The following MRC2 variants were observed in gnomAD, a reference collection of about 807,000 sequenced individuals.
The protein encoded by MRC2 is C-type mannose receptor 2.
In MRC2, 84 loss-of-function variants were observed where a neutral mutation model predicts 206.2. The ratio of observed to expected loss-of-function variants is 0.41; its 90% CI spans 0.34 to 0.49. MRC2 has a LOEUF of 0.49. Ranked by LOEUF, MRC2 falls within the 20% of genes least tolerant of loss-of-function variation. The pLI, the probability that MRC2 is intolerant of heterozygous loss-of-function variation, is 0.31. For missense variants in MRC2, 1,676 were observed against 2,001.5 expected (o/e 0.84, Z 3.10); for synonymous variants, 798 against 800.0 (o/e 1.00, Z 0.04).
chr17:62,676,443 G>A lies in MRC2; in HGVS notation c.1746G>A (p.Thr582=), dbSNP rs760093423. The stretch of plus-strand genomic sequence containing the variant: ...ACTGGGAGGGCGAGTACTTCTGGAC[G>A]GCCCTGCAGGACCTCAACAGCACCG... The part of the protein sequence containing the change: ...IYNWEGEYFW[T]ALQDLNSTGS... Residue 582 remains threonine, a synonymous_variant, in exon 11 of 30, where the codon ACG becomes ACA. Transcript: ENST00000303375. 1.3e-5 allele frequency: 21 copies of A among 1,613,794 alleles called. No individual in the cohort carries two copies. Among genetic ancestry groups the A allele is most frequent in the African/African-American group, 4.0e-5 (3 of 74,902 alleles).
intron 1 of MRC2, among the ~76,000 whole-genome samples, chr17:62,661,186 C>G (rs977575224): frequency 6.6e-6 from 1 of 152,110 alleles, no homozygotes; most frequent in African/African-American, 2.4e-5. Context: ...GAGATCAGGC[C>G]GTTAGACAGG....
chr17:62,651,386 A>G (rs2088554590), intron 1 of MRC2, among the ~76,000 whole-genome samples: 1 of 150,990 alleles, frequency 6.6e-6, no homozygotes, highest in Non-Finnish European at 1.5e-5. Flanking sequence ...CCGGCCGACA[A>G]ACATCTTTCA....
Position 62,664,683 on chromosome 17 carries a change from T to C in MRC2, c.254T>C (p.Leu85Pro), listed in dbSNP as rs1325949717. Reference sequence around the variant, plus strand: ...TGGAAGTGGGTCTCCCGAAACCGGCTATTCAACCTGGGTACCATGCAGTGC... The same window carrying C: ...TGGAAGTGGGTCTCCCGAAACCGGCCATTCAACCTGGGTACCATGCAGTGC... ...QRWKWVSRNR[L>P]FNLGTMQCLG... Residue 85 changes from leucine to proline, a missense_variant, in exon 2 of 30, where the codon CTA (leucine) becomes CCA (proline). This residue lies in a region of MRC2 where 318 missense variants were observed against 346.7 expected (regional missense o/e 0.92). Coordinates refer to ENST00000303375, the MANE Select transcript of MRC2 (RefSeq NM_006039.5). The surrounding 1 kb of genome is among the most constrained non-coding windows in gnomAD (Gnocchi z 4.7). 1 of 1,614,026 alleles carries C rather than the reference T, an allele frequency of 6.2e-7. No individual in the cohort carries two copies. The highest frequency in any genetic ancestry group is 1.7e-5 in the Admixed American group (1 of 60,032).
chr17:62,689,013 G>A, intron 23 of MRC2, 53 bp downstream of exon 23: 3 of 1,416,124 alleles, frequency 2.1e-6, no homozygotes, highest in Non-Finnish European at 3.0e-6. Flanking sequence ...GCACCGGGCT[G>A]GATGCTGGGA....
intron 1 of MRC2, among the ~76,000 whole-genome samples, chr17:62,657,866 G>A (rs2088636375): frequency 6.6e-6 from 1 of 151,994 alleles, no homozygotes; most frequent in Admixed American, 6.6e-5. Context: ...TTCATTGAGG[G>A]CCCAGGCCCA....
chr17:62,663,673 A>G (rs1010789508), intron 1 of MRC2, among the ~76,000 whole-genome samples: 3 of 152,286 alleles, frequency 2.0e-5, no homozygotes, highest in East Asian at 3.9e-4. Flanking sequence ...GAAGCCAAAG[A>G]ATTAAATTGC....
intron 1 of MRC2, among the ~76,000 whole-genome samples, chr17:62,662,049 A>G (rs1316466172): frequency 1.3e-5 from 2 of 152,032 alleles, no homozygotes; most frequent in Non-Finnish European, 2.9e-5. Context: ...GGAGTTTGAG[A>G]TCAGACTGGG....
rs2088767683 is a variant in MRC2, at chr17:62,667,147, C to T, written c.974-243C>T. 6.6e-6 allele frequency among the ~76,000 whole-genome samples: 1 copy of T among 151,678 alleles called. No homozygotes were observed. The highest frequency in any genetic ancestry group is 1.5e-5 in the Non-Finnish European group (1 of 67,882). On this transcript the variant is annotated intron_variant, in intron 5 of 29. Transcript: ENST00000303375. This position sits in a 1 kb window ranked among gnomAD's most constrained non-coding sequence, Gnocchi z 4.1. ...GCACCAGCGCACCCAGCAGCCTGGACGGGGAGGCCGGGGCGGGGCTGGTAC... is the reference window on the plus strand; with the variant it reads ...GCACCAGCGCACCCAGCAGCCTGGATGGGGAGGCCGGGGCGGGGCTGGTAC...
At chr17:62,643,327 C>CAAA (rs59698063) in intron 1 of MRC2, among the ~76,000 whole-genome samples, 708 of 44,008 alleles carry the variant, frequency 0.016, 24 homozygotes, top group African/African-American at 0.039. Flanking sequence ...GAAACTCCGT[C>CAAA]AAAAAAAAAA....
At chr17:62,643,327 C>CAAAAAAAA (rs59698063) in intron 1 of MRC2, among the ~76,000 whole-genome samples, 768 of 43,704 alleles carry the variant, frequency 0.018, 5 homozygotes, top group Middle Eastern at 0.031. Flanking sequence ...GAAACTCCGT[C>CAAAAAAAA]AAAAAAAAAA....
chr17:62,690,791 T>G (rs765467687), intron 27 of MRC2, 30 bp downstream of exon 27: 9 of 1,571,736 alleles, frequency 5.7e-6, no homozygotes, highest in Non-Finnish European at 7.8e-6. Flanking sequence ...GGTGGAGAGG[T>G]CAAGCCTCAG....
chr17:62,658,012 T>G (rs1348468388), intron 1 of MRC2, among the ~76,000 whole-genome samples: 1 of 152,066 alleles, frequency 6.6e-6, no homozygotes, highest in Non-Finnish European at 1.5e-5. Context: ...TCTCCTCTGC[T>G]TTTTGATTCC....
intron 1 of MRC2, among the ~76,000 whole-genome samples, chr17:62,638,355 T>A (rs902792601): frequency 2.0e-5 from 3 of 152,018 alleles, no homozygotes; most frequent in African/African-American, 7.2e-5. Context: ...TAGAAAAAAA[T>A]TCCAGAAGTG....
chr17:62,632,584 G>A (rs906150053), intron 1 of MRC2, among the ~76,000 whole-genome samples: 1 of 152,086 alleles, frequency 6.6e-6, no homozygotes, highest in Admixed American at 6.5e-5. Flanking sequence ...TTCTGCCCAC[G>A]CACGATCACT....
At chr17:62,660,722 G>C (rs2147459330) in intron 1 of MRC2, among the ~76,000 whole-genome samples, 1 of 152,280 alleles carries the variant, frequency 6.6e-6, no homozygotes, top group East Asian at 1.9e-4. Context: ...ATTCTTTAGA[G>C]GAAGATTTTT....
rs1033542221 is a variant in MRC2, at chr17:62,627,881, C to G, written c.79C>G (p.Leu27Val). The change falls in exon 1 of 30, where the codon CTC becomes GTC. Residue 27 changes from leucine to valine, a missense_variant. Physicochemically the swap from Leu to Val is conservative, Grantham distance 32. Coordinates refer to ENST00000303375, the MANE Select transcript of MRC2 (RefSeq NM_006039.5). The part of the protein sequence containing the change: ...RCVLLLGCLH[L>V]GRPGAPGDAA... ...CGTCCTGCTCCTCGGGTGCCTGCACCTCGGCCGTCCCGGCGCCCCTGGGGA... is the reference window on the plus strand; with the variant it reads ...CGTCCTGCTCCTCGGGTGCCTGCACGTCGGCCGTCCCGGCGCCCCTGGGGA... 1.4e-6 allele frequency: 2 copies of G among 1,473,504 alleles called. No individual in the cohort carries two copies. Among genetic ancestry groups the G allele is most frequent in the Non-Finnish European group, 8.9e-7 (1 of 1,119,010 alleles). The allele number at this position is 1,473,504 out of a possible 1,614,324, so 91.3% of individuals were successfully genotyped here. A position where few individuals can be genotyped will look rare whatever the true frequency, so the allele number is the denominator to read the frequency against.
intron 12 of MRC2, 78 bp from the exon 13 acceptor site, chr17:62,678,426 T>G: frequency 1.3e-6 from 2 of 1,548,488 alleles, no homozygotes; most frequent in Non-Finnish European, 1.7e-6. Context: ...TCCTCTGCCA[T>G]GGTGGGAAAG....
chr17:62,639,600 T>C (rs895798890), intron 1 of MRC2, among the ~76,000 whole-genome samples: 19 of 152,166 alleles, frequency 1.2e-4, no homozygotes, highest in Non-Finnish European at 2.4e-4. Context: ...TTATAAGATA[T>C]TAATCTCAAA....
intron 1 of MRC2, among the ~76,000 whole-genome samples, chr17:62,657,308 C>T (rs1331438628): frequency 2.0e-5 from 3 of 152,134 alleles, no homozygotes; most frequent in African/African-American, 7.2e-5. Context: ...TGCCTGATGC[C>T]CTGCTGGCAT....
Sources: gnomAD v4.1 joint callset for allele counts (sites outside exome capture counted in the v4.1 genomes callset) on GRCh38, gnomAD v4.1.1 for gene constraint, gnomAD v4.1.1 regional missense constraint, Gnocchi (gnomAD v3.1) non-coding constraint, MANE v1.5 for transcripts, NCBI Gene and HGNC (gene_info 2026-07-23, HGNC 2026-07-21) for gene names.